Variants in FSIP1 observed in about 807,000 individuals in gnomAD.
FSIP1 encodes the protein fibrous sheath-interacting protein 1.
Under a neutral mutation model 60.9 loss-of-function variants are expected in FSIP1, and 65 were observed. The ratio of observed to expected loss-of-function variants is 1.07; its 90% CI spans 0.87 to 1.31. The LOEUF is 1.31. Ranked by LOEUF, FSIP1 falls within the 40% of genes most tolerant of loss-of-function variation. FSIP1 has a pLI of 0.00. For synonymous variants in FSIP1, 209 were observed against 221.2 expected, an observed-to-expected ratio of 0.94 and a Z score of 0.49; for missense variants, 675 against 665.5, an observed-to-expected ratio of 1.01 and a Z score of -0.16.
chr15:39,726,872 C>CAA (rs1163004723), intron 8 of FSIP1, 125 bp from the exon 9 acceptor site: 6 of 606,850 alleles, frequency 9.9e-6, no homozygotes, highest in East Asian at 2.9e-5. Flanking sequence ...CACACACACA[C>CAA]AACACACACA....
At chr15:39,627,471 C>A (rs1278835015) in intron 10 of FSIP1, among the ~76,000 whole-genome samples, 1 of 152,232 alleles carries the variant, frequency 6.6e-6, no homozygotes, top group Admixed American at 6.5e-5. Flanking sequence ...AGAATTCATG[C>A]CCCTTGGGGC....
chr15:39,689,745 T>C (rs1382807521), intron 10 of FSIP1, among the ~76,000 whole-genome samples: 2 of 152,244 alleles, frequency 1.3e-5, no homozygotes, highest in Non-Finnish European at 2.9e-5. Context: ...ACTGTATTTA[T>C]AATAATAGTA....
intron 10 of FSIP1, among the ~76,000 whole-genome samples, chr15:39,713,242 T>C (rs1173167345): frequency 6.6e-6 from 1 of 152,170 alleles, no homozygotes; most frequent in Non-Finnish European, 1.5e-5. Context: ...AAACCTTTTT[T>C]GGTACAAGTG....
chr15:39,693,981 T>C (rs1283854249), intron 10 of FSIP1, among the ~76,000 whole-genome samples: 1 of 152,206 alleles, frequency 6.6e-6, no homozygotes, highest in East Asian at 1.9e-4. Context: ...TGGATATATA[T>C]TTATCAGCTT....
intron 10 of FSIP1, among the ~76,000 whole-genome samples, chr15:39,626,907 G>A (rs186195650): frequency 6.6e-6 from 1 of 152,218 alleles, no homozygotes; most frequent in African/African-American, 2.4e-5. Flanking sequence ...TCAGTGCCAC[G>A]ATCACCAGCA....
rs767816880 is a variant in FSIP1 at position 39,741,868 on chromosome 15, A to T, written c.592T>A (p.Ser198Thr). The change falls in exon 6 of 12, where the codon TCA (serine) becomes ACA (threonine). Residue 198 changes from serine (S) to threonine (T), a missense_variant. Transcript: ENST00000350221. The part of the protein sequence containing the change: ...PSHEEEDTFS[S>T]VFHTQIPPEE... ...GGAGGGATTTGAGTATGAAACACTG[A>T]GGAAAAGGTGTCTTCCTCCTCATGA... is the stretch of plus-strand genomic sequence containing the variant. 9.3e-6 allele frequency: 15 copies of T among 1,605,290 alleles called. No homozygotes were observed. The South Asian group carries it at 1.7e-4, about 18-fold the overall frequency.
chr15:39,745,200 C>T (rs983934604), intron 5 of FSIP1, among the ~76,000 whole-genome samples: 1 of 149,328 alleles, frequency 6.7e-6, no homozygotes, highest in African/African-American at 2.5e-5. Context: ...GGAAAAAGAG[C>T]CTCATTTCTG....
chr15:39,777,973 G>A (rs755571289), intron 1 of FSIP1, among the ~76,000 whole-genome samples: 1 of 152,186 alleles, frequency 6.6e-6, no homozygotes, highest in African/African-American at 2.4e-5. Flanking sequence ...TACACAGAGC[G>A]ATGTTACGGC....
At chr15:39,738,822 C>T (rs1197766440) in intron 7 of FSIP1, among the ~76,000 whole-genome samples, 1 of 152,144 alleles carries the variant, frequency 6.6e-6, no homozygotes. Context: ...GCACAAAAAT[C>T]GAGAGTCCCA....
At chr15:39,777,084 G>A (rs1898088276) in intron 1 of FSIP1, among the ~76,000 whole-genome samples, 1 of 151,738 alleles carries the variant, frequency 6.6e-6, no homozygotes, top group African/African-American at 2.4e-5. Flanking sequence ...CCGCCACCAC[G>A]CCCAGCTAAT....
intron 1 of FSIP1, among the ~76,000 whole-genome samples, chr15:39,778,113 A>G (rs1464470510): frequency 6.6e-6 from 1 of 152,190 alleles, no homozygotes; most frequent in East Asian, 1.9e-4. Flanking sequence ...GTTTGGGCTC[A>G]CTCAGGAAAG....
At chr15:39,724,409 G>A (rs994793305) in intron 9 of FSIP1, among the ~76,000 whole-genome samples, 3 of 151,924 alleles carry the variant, frequency 2.0e-5, no homozygotes, top group African/African-American at 4.8e-5. Context: ...CCGCCACCAC[G>A]CCCAGCTAAT....
intron 10 of FSIP1, among the ~76,000 whole-genome samples, chr15:39,656,345 T>C (rs1893068971): frequency 6.6e-6 from 1 of 152,216 alleles, no homozygotes. Flanking sequence ...ACAATATTCC[T>C]TATACCTATA....
intron 10 of FSIP1, among the ~76,000 whole-genome samples, chr15:39,633,046 T>G (rs1217955372): frequency 6.6e-6 from 1 of 151,556 alleles, no homozygotes; most frequent in Non-Finnish European, 1.5e-5. Flanking sequence ...ACTCCTATAA[T>G]TATCATTTTT....
At chr15:39,610,221 A>C (rs942921682) in intron 11 of FSIP1, among the ~76,000 whole-genome samples, 2 of 152,210 alleles carry the variant, frequency 1.3e-5, no homozygotes, top group African/African-American at 4.8e-5. Context: ...ATTCTAAGAA[A>C]GATATGATAA....
chr15:39,702,893 G>GT (rs1187697673), intron 10 of FSIP1, among the ~76,000 whole-genome samples: 2 of 151,230 alleles, frequency 1.3e-5, no homozygotes, highest in Non-Finnish European at 2.9e-5. Flanking sequence ...CTAACTAGTC[G>GT]TATTACCTAT....
At chr15:39,604,301 A>G (rs1052568196) in intron 11 of FSIP1, among the ~76,000 whole-genome samples, 5 of 152,252 alleles carry the variant, frequency 3.3e-5, no homozygotes, top group African/African-American at 1.2e-4. Flanking sequence ...GTTTACAGTC[A>G]CAATAGCGGA....
intron 10 of FSIP1, among the ~76,000 whole-genome samples, chr15:39,673,188 G>A (rs186157421): frequency 1.6e-4 from 24 of 152,192 alleles, no homozygotes; most frequent in African/African-American, 5.5e-4. Context: ...GAACAAATAC[G>A]GACATTTTTT....
At position 39,603,453 on chromosome 15, in the gene FSIP1, A is replaced by G. The variant is rs115171637; in HGVS notation, c.1700-2527T>C. Among the ~76,000 whole-genome samples, 1,420 of 152,380 alleles carry G rather than the reference A, an allele frequency of 9.3e-3. 25 individuals carry two copies. Among genetic ancestry groups the G allele is most frequent in the African/African-American group, 0.033 (1,358 of 41,590 alleles). ...CAGAGGTAAGAGGCAGCACTGGCTAAGGAACAGACTCAGTATAGCTTAAAT... is the reference window on the plus strand; with the variant it reads ...CAGAGGTAAGAGGCAGCACTGGCTAGGGAACAGACTCAGTATAGCTTAAAT... On this transcript the variant is annotated intron_variant, in intron 11 of 11. Coordinates refer to ENST00000350221, the MANE Select transcript of FSIP1 (RefSeq NM_152597.5).
Sources: gnomAD v4.1 joint callset for allele counts (sites outside exome capture counted in the v4.1 genomes callset) on GRCh38, gnomAD v4.1.1 for gene constraint, MANE v1.5 for transcripts, NCBI Gene and HGNC (gene_info 2026-07-23, HGNC 2026-07-21) for gene names.